ARHGAP4: variants seen among roughly 807,000 people sequenced by gnomAD.
ARHGAP4 encodes the protein Rho GTPase activating protein 4, also known as rho GTPase-activating protein 4.
A neutral mutation model predicts 67.6 loss-of-function variants in ARHGAP4; 25 were observed. That is an observed-to-expected ratio of 0.37 (90% CI 0.27 to 0.52). ARHGAP4 has a LOEUF of 0.52. Among genes scored for constraint, ARHGAP4 ranks in the 20% least tolerant of loss-of-function variants. The pLI is 0.92. For synonymous variants in ARHGAP4, 448 were observed against 373.7 expected (o/e 1.20, Z -2.29); for missense variants, 804 against 854.6 (o/e 0.94, Z 0.74).
In ARHGAP4 at chrX:153,911,290, C is replaced by G. The variant is rs782011282; in HGVS notation, c.1543-101G>C. On this transcript the variant is annotated intron_variant, in intron 12 of 21. Coordinates refer to ENST00000350060, the MANE Select transcript of ARHGAP4 (RefSeq NM_001666.5). ...TTTTTTTTTTTGAGACAAGGTCTCACTCTGTCACCCAGGCTGAAGTGCACT... is the reference window on the plus strand; with the variant it reads ...TTTTTTTTTTTGAGACAAGGTCTCAGTCTGTCACCCAGGCTGAAGTGCACT... 3.3e-3 allele frequency: 2,481 copies of G among 744,870 alleles called. 5 individuals are homozygous for G. The highest frequency in any genetic ancestry group is 6.3e-3 in the Middle Eastern group (15 of 2,386). The allele number at this position is 744,870 out of a possible 1,213,427, so 61.4% of individuals were successfully genotyped here.
At position 153,912,601 on chromosome X, in the gene ARHGAP4, A is replaced by G. The variant is rs908600434; in HGVS notation, c.1542+99T>C. ...GTTGATGACTGATTGAGAGTGGAGG[A>G]CCCTGGGATCAGGCAGCTGCTCCGG... On this transcript the variant is annotated intron_variant, in intron 12 of 21. Transcript: ENST00000350060. 11 of 709,969 alleles carry G rather than the reference A, an allele frequency of 1.5e-5. No individual in the cohort carries two copies. In the African/African-American group the frequency reaches 2.2e-4, roughly 14 times the overall value. The allele number at this position is 709,969 out of a possible 1,213,427, so 58.5% of individuals were successfully genotyped here. A position where few individuals can be genotyped will look rare whatever the true frequency, so the allele number is the denominator to read the frequency against.
At chrX:153,910,895 A>ACCCCCCCCCCCCCC in intron 14 of ARHGAP4, 27 bp downstream of exon 14, 3 of 472,481 alleles carry the variant, frequency 6.3e-6, no homozygotes, top group Admixed American at 5.5e-5. Flanking sequence ...CCGAGCCCCC[A>ACCCCCCCCCCCCCC]CCCCCGCCCG....
chrX:153,910,348 A>G lies in ARHGAP4; in HGVS notation c.1979T>C (p.Phe660Ser). 1 of 1,206,915 alleles carries G rather than the reference A, an allele frequency of 8.3e-7. No individual in the cohort carries two copies. The highest frequency in any genetic ancestry group is 1.1e-6 in the Non-Finnish European group (1 of 893,185). ...GGGCACCGGTAGCAGCGTGGGCCCG[A>G]AGCACACGGCCAGGTTGTAGGGGTC... ...MMDPYNLAVC[F>S]GPTLLPVPAG... Residue 660 changes from phenylalanine (F) to serine (S), a missense_variant, in exon 17 of 22, where the codon TTC (phenylalanine) becomes TCC (serine). This residue lies in a region of ARHGAP4 where 400 missense variants were observed against 348.7 expected (regional missense o/e 1.15). Transcript: ENST00000350060.
In ARHGAP4 at chrX:153,909,828, T is replaced by C. The variant is rs1557102383; in HGVS notation, c.2327A>G (p.His776Arg). The C allele has an allele frequency of 8.3e-7, 1 of 1,201,902 alleles. No individual in the cohort carries two copies. The highest frequency in any genetic ancestry group is 1.1e-6 in the Non-Finnish European group (1 of 891,212). ...SFRRGDVLRLHERASSDWWRG... is the reference protein window; with the variant it reads ...SFRRGDVLRLRERASSDWWRG... ...CCACCAGTCGCTCGAGGCCCTCTCGTGCAGCCGCAGTACGTCCCCCCGCCG... is the reference window on the plus strand; with the variant it reads ...CCACCAGTCGCTCGAGGCCCTCTCGCGCAGCCGCAGTACGTCCCCCCGCCG... Residue 776 changes from histidine to arginine, a missense_variant, in exon 19 of 22, where the codon CAC (histidine) becomes CGC (arginine). By Grantham distance (29) the His-to-Arg change is conservative. This residue lies in a region of ARHGAP4 where 400 missense variants were observed against 348.7 expected (regional missense o/e 1.15). Transcript: ENST00000350060.
Position 153,918,931 on chromosome X carries a change from G to A in ARHGAP4, c.933C>T (p.Ala311=), listed in dbSNP as rs782284431. The change falls in exon 7 of 22, where the codon GCC becomes GCT. Residue 311 remains alanine (A), a synonymous_variant. Transcript: ENST00000350060. ...GLGSLEEAVE[A]LDPPGDKAKV... is the part of the protein sequence containing the mutation. ...TGGCTTTGTCCCCTGGAGGATCCAG[G>A]GCCTCCACAGCTTCTTCCAGGCTGC... 10 of 1,210,602 alleles carry A rather than the reference G, an allele frequency of 8.3e-6. No individual in the cohort carries two copies. The highest frequency in any genetic ancestry group is 3.0e-5 in the East Asian group (1 of 33,785).
chrX:153,921,249 G>A, intron 3 of ARHGAP4, 90 bp from the exon 4 acceptor site: 1 of 1,177,085 alleles, frequency 8.5e-7, no homozygotes, highest in Non-Finnish European at 1.1e-6. Context: ...CCCATCGGGG[G>A]GGCACACAGG....
In ARHGAP4 at chrX:153,921,781, C is replaced by T. The variant is rs370439706; in HGVS notation, c.96G>A (p.Leu32=). 3.4e-5 allele frequency: 41 copies of T among 1,194,595 alleles called. No homozygotes were observed. Among genetic ancestry groups the T allele is most frequent in the Non-Finnish European group, 4.5e-5 (40 of 888,228 alleles). ...KEMRWQLSEQ[L]RCLELQGELR... is the part of the protein sequence containing the mutation. ...GCTCGCCCTGCAGCTCCAGGCAGCG[C>T]AGCTGCTCGCTCAGCTGCCAGCGCA... Residue 32 remains leucine (L), a synonymous_variant, in exon 2 of 22, where the codon CTG becomes CTA. Coordinates refer to ENST00000350060, the MANE Select transcript of ARHGAP4 (RefSeq NM_001666.5).
intron 12 of ARHGAP4, 62 bp from the exon 13 acceptor site, chrX:153,911,251 G>GT (rs2065018822): frequency 3.6e-6 from 2 of 561,729 alleles, no homozygotes; most frequent in South Asian, 4.2e-5. Flanking sequence ...TCATTCAATT[G>GT]CTTTTTTTTT....
chrX:153,919,707 CA>C, intron 5 of ARHGAP4: 1 of 1,140,484 alleles, frequency 8.8e-7, no homozygotes, highest in Non-Finnish European at 1.2e-6. Flanking sequence ...ACGAGTACCC[CA>C]AAGGGTAGGG....
At chrX:153,918,656 G>A (rs1252319985) in intron 7 of ARHGAP4, among the ~76,000 whole-genome samples, 176 bp downstream of exon 7, 8 of 112,558 alleles carry the variant, frequency 7.1e-5, no homozygotes, top group Non-Finnish European at 1.3e-4. Flanking sequence ...GGCCATTGCG[G>A]GGGTGCACCC....
Position 153,910,740 on chromosome X carries a change from G to C in ARHGAP4, c.1776C>G (p.Leu592=). The C allele has an allele frequency of 8.4e-7, 1 of 1,194,659 alleles. No homozygotes were observed. Among genetic ancestry groups the C allele is most frequent in the Non-Finnish European group, 1.1e-6 (1 of 886,768 alleles). ...KLYFRSLEPP[L]FPPDLFGELL... is the part of the protein sequence containing the mutation. ...GCTCGCCGAACAGGTCTGGGGGGAA[G>C]AGTGGGGGCTCCAGGCTCCGGAAGT... The change falls in exon 15 of 22, where the codon CTC becomes CTG. Residue 592 remains leucine (L), a synonymous_variant. Coordinates refer to ENST00000350060, the MANE Select transcript of ARHGAP4 (RefSeq NM_001666.5).
rs377399115 is a variant in ARHGAP4, at chrX:153,921,664, G to C, written c.213C>G (p.Ala71=). The part of the protein sequence containing the change: ...LEYSRGLEKL[A]ERFSSRGGRL... ...GGCCTCCACGGCTGGAGAAGCGCTC[G>C]GCCAGCTTTTCCAGGCCCCGGGAGT... The change falls in exon 2 of 22, where the codon GCC becomes GCG. Residue 71 remains alanine, a synonymous_variant. Transcript: ENST00000350060. 8.3e-7 allele frequency: 1 copy of C among 1,209,322 alleles called. No individual in the cohort carries two copies. Among genetic ancestry groups the C allele is most frequent in the East Asian group, 3.0e-5 (1 of 33,782 alleles).
intron 17 of ARHGAP4, 41 bp downstream of exon 17, chrX:153,910,130 C>T (rs1557102596): frequency 1.7e-6 from 2 of 1,209,247 alleles, no homozygotes; most frequent in Non-Finnish European, 2.2e-6. Context: ...GGCTCTTCTC[C>T]AGTGGACCCC....
At position 153,910,265 on chromosome X, in the gene ARHGAP4, T is replaced by C. The variant is rs1557102686; in HGVS notation, c.2062A>G (p.Ile688Val). 10 of 1,210,520 alleles carry C rather than the reference T, an allele frequency of 8.3e-6. No individual in the cohort carries two copies. Among genetic ancestry groups the C allele is most frequent in the Non-Finnish European group, 2.2e-6 (2 of 895,219 alleles). The stretch of plus-strand genomic sequence containing the variant: ...GGGAAGACCCGATCGGGCTGCACTA[T>C]GAGCGTCTGCACCAGCTGGTTCACC... ...GRVNQLVQTL[I>V]VQPDRVFPPL... is the part of the protein sequence containing the mutation. The change falls in exon 17 of 22, where the codon ATA becomes GTA. Residue 688 changes from isoleucine to valine, a missense_variant. By Grantham distance (29) the Ile-to-Val change is conservative (BLOSUM62 3). Coordinates refer to ENST00000350060, the MANE Select transcript of ARHGAP4 (RefSeq NM_001666.5).
chrX:153,921,986 C>T, intron 1 of ARHGAP4, 177 bp from the exon 2 acceptor site: 1 of 831,472 alleles, frequency 1.2e-6, no homozygotes, highest in African/African-American at 2.1e-5. Context: ...AAGCTAGGCC[C>T]CTGCAGGCAG....
In ARHGAP4 at chrX:153,912,913, A is replaced by T; in HGVS notation, c.1439+111T>A. The T allele has an allele frequency of 7.2e-6, 8 of 1,116,340 alleles. No homozygotes were observed. The South Asian group carries it at 1.6e-4, about 22-fold the overall frequency. 92.0% of individuals were successfully genotyped at this position (1,116,340 alleles called of 1,213,427 possible). A position where few individuals can be genotyped will look rare whatever the true frequency, so the allele number is the denominator to read the frequency against. On this transcript the variant is annotated intron_variant, in intron 11 of 21. Transcript: ENST00000350060. ...ATTCTCTGAAGTTATTCCACAATCC[A>T]GTGCGAAAACTGGGGAAGTGAGGCC...
At chrX:153,925,045 T>C (rs2065118308) in intron 1 of ARHGAP4, among the ~76,000 whole-genome samples, 1 of 111,527 alleles carries the variant, frequency 9.0e-6, no homozygotes, top group Admixed American at 9.5e-5. Flanking sequence ...TGACCCATAT[T>C]TGCTGACTGA....
Position 153,907,671 on chromosome X carries a change from GGA to G in ARHGAP4, c.*56_*57del. 1.7e-6 allele frequency: 1 copy of G among 586,690 alleles called. No homozygotes were observed. The highest frequency in any genetic ancestry group is 2.5e-6 in the Non-Finnish European group (1 of 408,015). 48.3% of individuals were successfully genotyped at this position (586,690 alleles called of 1,213,427 possible). On this transcript the variant is annotated 3_prime_UTR_variant, in exon 22 of 22. Transcript: ENST00000350060. The stretch of plus-strand genomic sequence containing the variant: ...GGCTGGAGAGAAGCAAGGGGGCTGG[GGA>G]GAGTGGCCGGTCCAGCGGGTAGCCG...
chrX:153,909,520 C>T lies in ARHGAP4; in HGVS notation c.2430G>A (p.Val810=), dbSNP rs782492002. ...CTGCAGTCTGCAGCCCTGCGCCCAC[C>T]ACCTGCTTCTCCGTCCTGCGGTGGG... ...ITLPAGTEKQ[V]VGAGLQTAGE... is the part of the protein sequence containing the mutation. The change falls in exon 20 of 22, where the codon GTG becomes GTA. Residue 810 remains valine (V), a synonymous_variant. Coordinates refer to ENST00000350060, the MANE Select transcript of ARHGAP4 (RefSeq NM_001666.5). The T allele has an allele frequency of 1.7e-6, 2 of 1,207,574 alleles. No homozygotes were observed. Among genetic ancestry groups the T allele is most frequent in the African/African-American group, 3.5e-5 (2 of 57,453 alleles).
Sources: gnomAD v4.1 joint callset for allele counts (sites outside exome capture counted in the v4.1 genomes callset) on GRCh38, gnomAD v4.1.1 for gene constraint, gnomAD v4.1.1 regional missense constraint, MANE v1.5 for transcripts, NCBI Gene and HGNC (gene_info 2026-07-23, HGNC 2026-07-21) for gene names.